Variants in DPP3 observed in about 807,000 individuals in gnomAD.
The protein encoded by DPP3 is dipeptidyl peptidase 3.
A neutral mutation model predicts 89.8 loss-of-function variants in DPP3; 64 were observed. That is an observed-to-expected ratio of 0.71 (90% CI 0.58 to 0.88). The LOEUF (loss-of-function observed/expected upper bound fraction) is 0.88, where lower values mean the gene tolerates loss of function less well. DPP3 is among the 40% of genes least tolerant of loss of function. The pLI is 0.00. For missense variants in DPP3, 835 were observed against 972.5 expected, an observed-to-expected ratio of 0.86 and a Z score of 1.88; for synonymous variants, 377 against 404.3, an observed-to-expected ratio of 0.93 and a Z score of 0.81.
chr11:66,482,594 A>G (rs1855119242), intron 2 of DPP3, 124 bp downstream of exon 2: 1 of 1,368,866 alleles, frequency 7.3e-7, no homozygotes, highest in Admixed American at 2.3e-5. Context: ...AAATTCAGGC[A>G]CTTCCCCTCT....
chr11:66,499,359 G>A (rs576773096), intron 16 of DPP3, among the ~76,000 whole-genome samples: 10 of 149,470 alleles, frequency 6.7e-5, no homozygotes, highest in African/African-American at 9.9e-5. Flanking sequence ...GCAAAACTCC[G>A]CCTCAAAAAA....
intron 16 of DPP3, among the ~76,000 whole-genome samples, chr11:66,500,643 G>T (rs1228951251): frequency 6.6e-6 from 1 of 152,236 alleles, no homozygotes; most frequent in Non-Finnish European, 1.5e-5. Context: ...CGAATTTTAA[G>T]AAACAGCAGC....
intron 2 of DPP3, among the ~76,000 whole-genome samples, chr11:66,484,900 G>A (rs1450268087): frequency 6.6e-6 from 1 of 152,206 alleles, no homozygotes; most frequent in African/African-American, 2.4e-5. Flanking sequence ...GGCTGAGAGG[G>A]TGCTGGGGTG....
At chr11:66,500,954 C>T (rs532917723) in intron 16 of DPP3, among the ~76,000 whole-genome samples, 7 of 152,018 alleles carry the variant, frequency 4.6e-5, no homozygotes, top group African/African-American at 1.7e-4. Flanking sequence ...TTTGGGAGGC[C>T]GAGGCAGGCA....
rs780729695 is a variant in DPP3, at chr11:66,493,103, T to C, written c.1220T>C (p.Val407Ala). 6.2e-7 allele frequency: 1 copy of C among 1,614,194 alleles called. No homozygotes were observed. Among genetic ancestry groups the C allele is most frequent in the Non-Finnish European group, 8.5e-7 (1 of 1,180,048 alleles). ...AGGCAGACGGAAGGCTTTAAGAACG[T>C]GTCGCTGGGGAATGTGCTGGCTGTG... ...DLRQTEGFKN[V>A]SLGNVLAVAY... The change falls in exon 11 of 18, where the codon GTG becomes GCG. Residue 407 changes from valine (V) to alanine (A), a missense_variant. Coordinates refer to ENST00000531863, the MANE Select transcript of DPP3 (RefSeq NM_130443.4).
chr11:66,486,620 C>T lies in DPP3; in HGVS notation c.441C>T (p.Cys147=), dbSNP rs371913309. The T allele has an allele frequency of 9.5e-6, 15 of 1,583,482 alleles. No homozygotes were observed. The highest frequency in any genetic ancestry group is 5.3e-5 in the Admixed American group (3 of 56,964). The change falls in exon 4 of 18, where the codon TGC becomes TGT. Residue 147 remains cysteine (C), a synonymous_variant. Coordinates refer to ENST00000531863, the MANE Select transcript of DPP3 (RefSeq NM_130443.4). ...PEEVRGLWQT[C]GELMFSLEPR... The stretch of plus-strand genomic sequence containing the variant: ...AAGTCAGGGGCCTCTGGCAGACCTG[C>T]GGGGAGCTTATGTTCTCTCTGGAGC...
intron 16 of DPP3, among the ~76,000 whole-genome samples, chr11:66,502,583 C>G (rs1315935590): frequency 3.9e-5 from 6 of 152,180 alleles, no homozygotes; most frequent in Non-Finnish European, 7.3e-5. Context: ...CATTCTCGTG[C>G]CTCAGCCTCC....
chr11:66,497,720 G>A (rs1487264069), intron 16 of DPP3, among the ~76,000 whole-genome samples: 1 of 151,936 alleles, frequency 6.6e-6, no homozygotes, highest in Non-Finnish European at 1.5e-5. Context: ...GCAAAACCTC[G>A]TCTCTACAAA....
At chr11:66,506,855 A>G (rs1855814971) in intron 17 of DPP3, among the ~76,000 whole-genome samples, 2 of 151,434 alleles carry the variant, frequency 1.3e-5, no homozygotes, top group African/African-American at 4.9e-5. Flanking sequence ...TGACCCCTCC[A>G]CCTAAAGTAA....
intron 6 of DPP3, among the ~76,000 whole-genome samples, chr11:66,489,702 G>A (rs555896823): frequency 9.8e-5 from 15 of 152,320 alleles, no homozygotes; most frequent in East Asian, 3.9e-4. Context: ...AGGAACAGCC[G>A]GTCGCTGGGT....
At chr11:66,503,076 C>T (rs977705504) in intron 16 of DPP3, among the ~76,000 whole-genome samples, 1 of 152,118 alleles carries the variant, frequency 6.6e-6, no homozygotes, top group Non-Finnish European at 1.5e-5. Flanking sequence ...TCAAGCGATT[C>T]TCCCACCTCA....
intron 2 of DPP3, among the ~76,000 whole-genome samples, chr11:66,483,561 T>C (rs1855144839): frequency 6.6e-6 from 1 of 152,214 alleles, no homozygotes; most frequent in South Asian, 2.1e-4. Context: ...GTGTACACTA[T>C]AATCAATTTA....
At position 66,491,398 on chromosome 11, in the gene DPP3, G is replaced by A. The variant is rs2134729819; in HGVS notation, c.798+15G>A. ...AGAAAGCCAAGGTTGGACTGGCTGG[G>A]GGCTGAGGGGTGCGGGCTGAGGACC... On this transcript the variant is annotated intron_variant, in intron 7 of 17. Transcript: ENST00000531863. 6.2e-7 allele frequency: 1 copy of A among 1,612,198 alleles called. No individual in the cohort carries two copies. Among genetic ancestry groups the A allele is most frequent in the South Asian group, 1.1e-5 (1 of 91,040 alleles).
intron 16 of DPP3, among the ~76,000 whole-genome samples, chr11:66,499,010 C>T (rs927471994): frequency 6.6e-6 from 1 of 151,620 alleles, no homozygotes; most frequent in Non-Finnish European, 1.5e-5. Context: ...GATTCTGTCT[C>T]TAAAAGAAAA....
chr11:66,509,651 A>G lies in DPP3; in HGVS notation c.*400A>G, dbSNP rs1855897528. 2.1e-6 allele frequency: 1 copy of G among 484,282 alleles called. No individual in the cohort carries two copies. The highest frequency in any genetic ancestry group is 1.9e-5 in the South Asian group (1 of 52,834). The allele number at this position is 484,282 out of a possible 1,614,324, so 30.0% of individuals were successfully genotyped here. ...ACCAGACAAATAAATATTAGAGACA[A>G]CCACCATCTTTGCGGCGTGTGTGGC... On this transcript the variant is annotated 3_prime_UTR_variant, in exon 18 of 18. Transcript: ENST00000531863.
At chr11:66,502,059 G>A (rs941393250) in intron 16 of DPP3, among the ~76,000 whole-genome samples, 1 of 151,598 alleles carries the variant, frequency 6.6e-6, no homozygotes, top group African/African-American at 2.4e-5. Context: ...TGGGCGTGGT[G>A]GTGCACACCT....
intron 12 of DPP3, 115 bp from the exon 13 acceptor site, chr11:66,495,091 C>T: frequency 6.7e-7 from 1 of 1,486,534 alleles, no homozygotes; most frequent in Non-Finnish European, 9.3e-7. Context: ...CTCCCGCCGC[C>T]CGCTCCTGCG....
chr11:66,503,385 C>A lies in DPP3; in HGVS notation c.1879-1227C>A, dbSNP rs915593069. Among the ~76,000 whole-genome samples the A allele has an allele frequency of 4.6e-5, 7 of 152,218 alleles. No homozygotes were observed. The East Asian group carries it at 1.2e-3, about 25-fold the overall frequency. On this transcript the variant is annotated intron_variant, in intron 16 of 17. Coordinates refer to ENST00000531863, the MANE Select transcript of DPP3 (RefSeq NM_130443.4). ...GTGGGCATTTACTCTATGCTAATCA[C>A]TGATCTGTGTTTCTCACTCATTCAG...
intron 3 of DPP3, among the ~76,000 whole-genome samples, chr11:66,486,274 C>T (rs111339967): frequency 0.02 from 3,041 of 152,162 alleles, 88 homozygotes; most frequent in African/African-American, 0.069. Flanking sequence ...GAGATGGGGT[C>T]TCTCTGTGTT....
Sources: allele counts gnomAD v4.1 joint callset (sites outside exome capture counted in the v4.1 genomes callset), GRCh38; gene constraint gnomAD v4.1.1; transcripts MANE v1.5; gene names NCBI Gene and HGNC (gene_info 2026-07-23, HGNC 2026-07-21).